The following MGAT4D variants were observed in gnomAD, a reference collection of about 807,000 sequenced individuals.
MGAT4D encodes alpha-1,3-mannosyl-glycoprotein 4-beta-N-acetylglucosaminyltransferase-like protein MGAT4D.
MGAT4D carries 34 observed loss-of-function variants against 15.9 expected under a neutral mutation model. The observed-to-expected ratio is 2.14, with a 90% confidence interval of 1.62 to 2.84. The LOEUF is 2.84. Among genes scored for constraint, MGAT4D ranks in the 30% most tolerant of loss-of-function variants. The pLI, the probability that MGAT4D is intolerant of heterozygous loss-of-function variation, is 0.00. For missense variants in MGAT4D, 327 were observed against 140.2 expected (o/e 2.33, Z -6.73); for synonymous variants, 112 against 48.2 (o/e 2.33, Z -5.49).
At chr4:140,456,892 G>C (rs1560769524) in intron 8 of MGAT4D, 173 bp from the exon 9 acceptor site, 2 of 382,028 alleles carry the variant, frequency 5.2e-6, no homozygotes, top group South Asian at 1.1e-4. Flanking sequence ...ATCTGCTTAA[G>C]TATTAAGGAT....
intron 9 of MGAT4D, among the ~76,000 whole-genome samples, chr4:140,453,958 A>G (rs1299241692): frequency 1.3e-5 from 2 of 152,024 alleles, no homozygotes; most frequent in African/African-American, 4.8e-5. Flanking sequence ...TTTTGTGTGT[A>G]TAGACCTTGT....
chr4:140,479,955 T>C lies in MGAT4D; in HGVS notation c.254-328A>G, dbSNP rs193188741. ...ACTCTGCTACTTTGATTAATATCAC[T>C]TTATTAAATTTGTATCTTTATAACT... On this transcript the variant is annotated intron_variant, in intron 2 of 10. Transcript: ENST00000511113. Among the ~76,000 whole-genome samples, 528 of 152,278 alleles carry C rather than the reference T, an allele frequency of 3.5e-3. 1 individual carries two copies. Among genetic ancestry groups the C allele is most frequent in the Non-Finnish European group, 5.6e-3 (379 of 67,990 alleles).
chr4:140,491,179 G>C (rs1578723352), intron 1 of MGAT4D, among the ~76,000 whole-genome samples: 1 of 152,216 alleles, frequency 6.6e-6, no homozygotes, highest in East Asian at 1.9e-4. Context: ...TTTGGACCTT[G>C]GATTCTGCTT....
chr4:140,448,783 T>C (rs1730289638), intron 10 of MGAT4D, among the ~76,000 whole-genome samples: 1 of 152,198 alleles, frequency 6.6e-6, no homozygotes. Context: ...CTCTGGTCAT[T>C]TGAGTTGCTG....
intron 9 of MGAT4D, among the ~76,000 whole-genome samples, chr4:140,453,736 C>T (rs965025482): frequency 1.3e-5 from 2 of 152,042 alleles, no homozygotes; most frequent in Admixed American, 1.3e-4. Flanking sequence ...CTCTCTCCTG[C>T]TGCCATGTAA....
intron 1 of MGAT4D, among the ~76,000 whole-genome samples, chr4:140,491,397 CA>C (rs1733494438): frequency 6.6e-6 from 1 of 152,068 alleles, no homozygotes; most frequent in Non-Finnish European, 1.5e-5. Context: ...CTCACCAATT[CA>C]GGGGCTGAGG....
rs1283729574 is a variant in MGAT4D at position 140,459,590 on chromosome 4, TA to T, written c.798del (p.Phe266LeufsTer4). ...TTACCTACAAAATCTGTTATTTTTG[TA>T]AAGTACATCTCTTTAGCTATGATAT... ...EDDIIAKEMY[F>X]TKITDFVGNI... On this transcript the variant is annotated frameshift_variant, in exon 8 of 11. Coordinates refer to ENST00000511113, the MANE Select transcript of MGAT4D (RefSeq NM_001277353.2). LOFTEE classifies it high-confidence loss of function. 2 of 530,142 alleles carry T rather than the reference TA, an allele frequency of 3.8e-6. No homozygotes were observed. The highest frequency in any genetic ancestry group is 3.3e-6 in the Non-Finnish European group (1 of 300,252). The allele number at this position is 530,142 out of a possible 1,614,324, so 32.8% of individuals were successfully genotyped here.
At chr4:140,483,691 G>C (rs1648578490) in intron 1 of MGAT4D, among the ~76,000 whole-genome samples, 1 of 151,836 alleles carries the variant, frequency 6.6e-6, no homozygotes, top group African/African-American at 2.4e-5. Context: ...AACAAAATAG[G>C]GAACCCAGAA....
intron 5 of MGAT4D, among the ~76,000 whole-genome samples, chr4:140,470,647 T>TC (rs1360852113): frequency 6.6e-6 from 1 of 152,146 alleles, no homozygotes; most frequent in Non-Finnish European, 1.5e-5. Context: ...TCTAGCATGC[T>TC]CCTTTGGTCT....
At chr4:140,491,547 C>A (rs1733503289) in intron 1 of MGAT4D, among the ~76,000 whole-genome samples, 1 of 151,976 alleles carries the variant, frequency 6.6e-6, no homozygotes, top group Admixed American at 6.6e-5. Context: ...AGGCATGCAG[C>A]TTGAAGCACC....
intron 7 of MGAT4D, among the ~76,000 whole-genome samples, chr4:140,461,253 A>G (rs1362578210): frequency 6.6e-6 from 1 of 152,102 alleles, no homozygotes; most frequent in African/African-American, 2.4e-5. Flanking sequence ...GAATCAAAAG[A>G]GACCTTTTTT....
chr4:140,454,318 G>A (rs1730661261), intron 9 of MGAT4D, among the ~76,000 whole-genome samples: 1 of 152,084 alleles, frequency 6.6e-6, no homozygotes, highest in African/African-American at 2.4e-5. Context: ...TATTACGTAT[G>A]AATTTTGAAT....
At chr4:140,492,016 T>C (rs1156900802) in intron 1 of MGAT4D, among the ~76,000 whole-genome samples, 1 of 152,168 alleles carries the variant, frequency 6.6e-6, no homozygotes, top group Non-Finnish European at 1.5e-5. Flanking sequence ...CCTCCTTGAA[T>C]CTGAGTTCAC....
intron 5 of MGAT4D, among the ~76,000 whole-genome samples, chr4:140,469,726 A>C (rs377205532): frequency 1.3e-5 from 2 of 152,190 alleles, no homozygotes; most frequent in East Asian, 1.9e-4. Flanking sequence ...TCAGCTCCTA[A>C]GGCTTGATTG....
intron 1 of MGAT4D, among the ~76,000 whole-genome samples, chr4:140,486,588 A>G (rs905553554): frequency 6.6e-6 from 1 of 152,084 alleles, no homozygotes; most frequent in African/African-American, 2.4e-5. Context: ...ACTTCATATT[A>G]TGTATTGACT....
intron 1 of MGAT4D, among the ~76,000 whole-genome samples, chr4:140,491,202 G>A (rs190103028): frequency 4.6e-5 from 7 of 152,204 alleles, no homozygotes; most frequent in East Asian, 1.9e-4. Flanking sequence ...TTACAGCTGC[G>A]TCTGAGAACT....
intron 1 of MGAT4D, among the ~76,000 whole-genome samples, chr4:140,488,790 G>A (rs1321369243): frequency 6.6e-6 from 1 of 152,162 alleles, no homozygotes; most frequent in Non-Finnish European, 1.5e-5. Context: ...GATCCCTCAT[G>A]GCTTGGTGCT....
In MGAT4D at chr4:140,482,257, G is replaced by T. The variant is rs1732783922; in HGVS notation, c.253+70C>A. On this transcript the variant is annotated intron_variant, in intron 2 of 10. Coordinates refer to ENST00000511113, the MANE Select transcript of MGAT4D (RefSeq NM_001277353.2). ...ATAGTTAAGTTTATAGAGAGAAGAGGCCCTAAAATCATAAGACATTGAATC... is the reference window on the plus strand; with the variant it reads ...ATAGTTAAGTTTATAGAGAGAAGAGTCCCTAAAATCATAAGACATTGAATC... 8.9e-6 allele frequency: 5 copies of T among 559,430 alleles called. No individual in the cohort carries two copies. The South Asian group carries it at 9.7e-5, about 11-fold the overall frequency. 34.7% of individuals were successfully genotyped at this position (559,430 alleles called of 1,614,324 possible). A position where few individuals can be genotyped will look rare whatever the true frequency, so the allele number is the denominator to read the frequency against.
intron 10 of MGAT4D, among the ~76,000 whole-genome samples, chr4:140,445,176 T>C (rs199880655): frequency 6.6e-6 from 1 of 152,254 alleles, no homozygotes; most frequent in South Asian, 2.1e-4. Flanking sequence ...TGAGCCACCA[T>C]GCCCAGCCCT....
Sources: allele counts gnomAD v4.1 joint callset (sites outside exome capture counted in the v4.1 genomes callset), GRCh38; gene constraint gnomAD v4.1.1; transcripts MANE v1.5; gene names NCBI Gene and HGNC (gene_info 2026-07-23, HGNC 2026-07-21).